TRABD: variants seen among roughly 807,000 people sequenced by gnomAD.
The protein encoded by TRABD is TraB domain containing.
A neutral mutation model predicts 39.6 loss-of-function variants in TRABD; 23 were observed. The ratio of observed to expected loss-of-function variants is 0.58; its 90% confidence interval spans 0.42 to 0.82. The LOEUF is 0.82. Among genes scored for constraint, TRABD ranks in the 40% least tolerant of loss-of-function variants. The pLI, the probability that TRABD is intolerant of heterozygous loss-of-function variation, is 0.00. For missense variants in TRABD, 487 were observed against 544.9 expected (o/e 0.89, Z 1.06); for synonymous variants, 243 against 232.1 (o/e 1.05, Z -0.43).
intron 5 of TRABD, among the ~76,000 whole-genome samples, chr22:50,196,674 G>A (rs950108115): frequency 2.0e-5 from 3 of 152,126 alleles, no homozygotes; most frequent in Non-Finnish European, 4.4e-5. Flanking sequence ...CCCCTTCGCA[G>A]AACGAGACTG....
In TRABD at chr22:50,198,225, G is replaced by T. The variant is rs544678268; in HGVS notation, c.956+39G>T. 1 of 1,404,728 alleles carries T rather than the reference G, an allele frequency of 7.1e-7. No homozygotes were observed. 87.0% of individuals were successfully genotyped at this position (1,404,728 alleles called of 1,614,324 possible). On this transcript the variant is annotated intron_variant, in intron 9 of 9. Transcript: ENST00000380909. The surrounding 1 kb of genome is among the most constrained non-coding windows in gnomAD (Gnocchi z 7.9). ...CCTCCCTGCAAGCCCCACCCCACAA[G>T]CCCCCAGGTGGAGGCTGAGCGCCCT...
In TRABD at chr22:50,198,403, T is replaced by C. The variant is rs1343163669; in HGVS notation, c.1015T>C (p.Phe339Leu). ...TCGGTTGGCCGTGAAGGCCGCCTTC[T>C]TCGGCCTGCTGGGCTACAGCCTGTA... Reference protein sequence around the residue: ...VSRLAVKAAFFGLLGYSLYWM... With the variant: ...VSRLAVKAAFLGLLGYSLYWM... Residue 339 changes from phenylalanine (F) to leucine (L), a missense_variant, in exon 10 of 10, where the codon TTC becomes CTC. Phe to Leu is a conservative substitution (Grantham distance 22, BLOSUM62 0). This residue lies in a region of TRABD where 123 missense variants were observed against 108.3 expected (regional missense o/e 1.14). Transcript: ENST00000380909. The surrounding 1 kb of genome is among the most constrained non-coding windows in gnomAD (Gnocchi z 7.9). The C allele has an allele frequency of 3.1e-6, 5 of 1,595,744 alleles. No homozygotes were observed. The highest frequency in any genetic ancestry group is 4.2e-6 in the Non-Finnish European group (5 of 1,176,842).
chr22:50,197,035 G>A, intron 5 of TRABD: 1 of 577,508 alleles, frequency 1.7e-6, no homozygotes, highest in South Asian at 2.1e-5. Context: ...CCTTTGAGAA[G>A]TGCCTGTTGG....
intron 5 of TRABD, among the ~76,000 whole-genome samples, chr22:50,195,284 C>T (rs1266669099): frequency 6.6e-6 from 1 of 152,066 alleles, no homozygotes; most frequent in African/African-American, 2.4e-5. Flanking sequence ...GCTGGTCACC[C>T]GAGGACTGGG....
At chr22:50,186,898 C>A (rs1039927828) in intron 1 of TRABD, among the ~76,000 whole-genome samples, 4 of 152,274 alleles carry the variant, frequency 2.6e-5, no homozygotes, top group Admixed American at 2.6e-4. Flanking sequence ...GCTGTCTGGG[C>A]ACTAGCGTCC....
Position 50,198,802 on chromosome 22 carries a change from G to A in TRABD, c.*283G>A, listed in dbSNP as rs2064223799. On this transcript the variant is annotated 3_prime_UTR_variant, in exon 10 of 10. Coordinates refer to ENST00000380909, the MANE Select transcript of TRABD (RefSeq NM_001320485.2). This position sits in a 1 kb window ranked among gnomAD's most constrained non-coding sequence, Gnocchi z 7.9. The stretch of plus-strand genomic sequence containing the variant: ...GACACCCAGCTCCGAGGGGGCAGGG[G>A]CTTATAGGAGGGGCCGAGGCGTGCG... 1 of 546,492 alleles carries A rather than the reference G, an allele frequency of 1.8e-6. No individual in the cohort carries two copies. Among genetic ancestry groups the A allele is most frequent in the South Asian group, 2.4e-5 (1 of 42,368 alleles). 33.9% of individuals were successfully genotyped at this position (546,492 alleles called of 1,614,324 possible).
At chr22:50,193,238 G>C (rs912644551) in intron 2 of TRABD, 145 bp downstream of exon 2, 4 of 1,087,792 alleles carry the variant, frequency 3.7e-6, no homozygotes, top group Admixed American at 5.7e-5. Context: ...GCACCTCCGA[G>C]GGAGAGGGGC....
chr22:50,198,695 A>G lies in TRABD; in HGVS notation c.*176A>G, dbSNP rs1246611454. The stretch of plus-strand genomic sequence containing the variant: ...CTCCCCCAGCCCACCCAAATAAAGG[A>G]TTATTTAACTGTCTGAGCTCAGGCC... On this transcript the variant is annotated 3_prime_UTR_variant, in exon 10 of 10. Transcript: ENST00000380909. The surrounding 1 kb of genome is among the most constrained non-coding windows in gnomAD (Gnocchi z 7.9). 13 of 612,920 alleles carry G rather than the reference A, an allele frequency of 2.1e-5. No individual in the cohort carries two copies. Among genetic ancestry groups the G allele is most frequent in the African/African-American group, 9.7e-5 (5 of 51,364 alleles). The allele number at this position is 612,920 out of a possible 1,614,324, so 38.0% of individuals were successfully genotyped here.
intron 7 of TRABD, 59 bp from the exon 8 acceptor site, chr22:50,197,764 G>GGGCCC: frequency 3.6e-4 from 459 of 1,283,844 alleles, no homozygotes; most frequent in Non-Finnish European, 4.7e-4. Flanking sequence ...CACAGTGCCA[G>GGGCCC]CCCCACCCCC....
intron 5 of TRABD, among the ~76,000 whole-genome samples, chr22:50,196,620 A>G (rs977144778): frequency 6.6e-6 from 1 of 152,018 alleles, no homozygotes; most frequent in Non-Finnish European, 1.5e-5. Context: ...CCCTTTCTCC[A>G]GCCTGCCTGC....
intron 1 of TRABD, among the ~76,000 whole-genome samples, chr22:50,187,772 G>A (rs1163871398): frequency 6.6e-6 from 1 of 152,088 alleles, no homozygotes; most frequent in East Asian, 1.9e-4. Context: ...GAGGTCAGGA[G>A]ATGGAGACCT....
intron 1 of TRABD, among the ~76,000 whole-genome samples, chr22:50,187,236 C>T (rs934160027): frequency 1.3e-5 from 2 of 152,228 alleles, no homozygotes; most frequent in Non-Finnish European, 2.9e-5. Context: ...TGACCAGGTC[C>T]TGGGAGGTTG....
chr22:50,194,713 A>C (rs1019796131), intron 4 of TRABD, among the ~76,000 whole-genome samples, 187 bp from the exon 5 acceptor site: 2 of 152,254 alleles, frequency 1.3e-5, no homozygotes, highest in African/African-American at 4.8e-5. Flanking sequence ...TAACAAGTGA[A>C]CAAGCCTCAC....
intron 5 of TRABD, among the ~76,000 whole-genome samples, chr22:50,195,348 C>T (rs952914988): frequency 2.1e-4 from 31 of 150,544 alleles, no homozygotes; most frequent in African/African-American, 7.3e-4. Context: ...TTGGCCCCCC[C>T]GGTACCACAC....
At chr22:50,192,812 C>T (rs949884015) in intron 1 of TRABD, among the ~76,000 whole-genome samples, 8 of 11,766 alleles carry the variant, frequency 6.8e-4, no homozygotes, top group African/African-American at 4.2e-3. Context: ...GCTGGGGTGT[C>T]TGGGGACCTG....
chr22:50,198,278 C>G lies in TRABD; in HGVS notation c.957-67C>G. On this transcript the variant is annotated intron_variant, in intron 9 of 9. Coordinates refer to ENST00000380909, the MANE Select transcript of TRABD (RefSeq NM_001320485.2). The surrounding 1 kb of genome is among the most constrained non-coding windows in gnomAD (Gnocchi z 7.9). ...AGGCCAACCACATGCGGCAGTGACC[C>G]AGGCATGGGGGCTGGGGTATGGGGA... The G allele has an allele frequency of 2.0e-6, 3 of 1,519,644 alleles. No individual in the cohort carries two copies. Among genetic ancestry groups the G allele is most frequent in the Non-Finnish European group, 2.7e-6 (3 of 1,118,556 alleles). The allele number at this position is 1,519,644 out of a possible 1,614,324, so 94.1% of individuals were successfully genotyped here. A position where few individuals can be genotyped will look rare whatever the true frequency, so the allele number is the denominator to read the frequency against.
In TRABD at chr22:50,199,078, T is replaced by C. The variant is rs548158838; in HGVS notation, c.*559T>C. ...GATTCTGTGTTTTTGGCTTTTTTAA[T>C]GTCTTAAAATCTTTTACTCAGGTAA... On this transcript the variant is annotated 3_prime_UTR_variant, in exon 10 of 10. Transcript: ENST00000380909. 132 of 714,428 alleles carry C rather than the reference T, an allele frequency of 1.8e-4. 2 individuals are homozygous for C. Among genetic ancestry groups the C allele is most frequent in the South Asian group, 1.8e-3 (123 of 67,260 alleles). 44.3% of individuals were successfully genotyped at this position (714,428 alleles called of 1,614,324 possible). A position where few individuals can be genotyped will look rare whatever the true frequency, so the allele number is the denominator to read the frequency against.
intron 1 of TRABD, among the ~76,000 whole-genome samples, chr22:50,186,988 C>G (rs540473047): frequency 1.8e-4 from 28 of 152,362 alleles, no homozygotes; most frequent in African/African-American, 6.5e-4. Context: ...AGATGGAAGC[C>G]TCCTAGCTTT....
chr22:50,197,763 A>AGGGCCCCCCCCCCCCCCCCCG, intron 7 of TRABD, 60 bp from the exon 8 acceptor site: 2 of 1,439,784 alleles, frequency 1.4e-6, no homozygotes, highest in Non-Finnish European at 1.9e-6. Flanking sequence ...CCACAGTGCC[A>AGGGCCCCCCCCCCCCCCCCCG]GCCCCACCCC....
Sources: gnomAD v4.1 joint callset for allele counts (sites outside exome capture counted in the v4.1 genomes callset) on GRCh38, gnomAD v4.1.1 for gene constraint, gnomAD v4.1.1 regional missense constraint, Gnocchi (gnomAD v3.1) non-coding constraint, MANE v1.5 for transcripts, NCBI Gene and HGNC (gene_info 2026-07-23, HGNC 2026-07-21) for gene names.